The following TMEM108 variants were observed in gnomAD, a reference collection of about 807,000 sequenced individuals.
TMEM108 encodes the protein cancer/testis antigen 124.
A neutral mutation model predicts 35.1 loss-of-function variants in TMEM108; 12 were observed. The observed-to-expected ratio is 0.34, with a 90% CI of 0.22 to 0.55. TMEM108 has a LOEUF of 0.55. Among genes scored for constraint, TMEM108 ranks in the 20% least tolerant of loss-of-function variants. The probability of loss-of-function intolerance (pLI) is 0.89; values close to 1 mark genes in which losing one functional copy is unlikely to be tolerated. For missense variants in TMEM108, 680 were observed against 753.3 expected (o/e 0.90, Z 1.14); for synonymous variants, 287 against 308.6 (o/e 0.93, Z 0.73).
intron 2 of TMEM108, among the ~76,000 whole-genome samples, chr3:133,143,864 T>C (rs914621256): frequency 6.6e-6 from 1 of 152,176 alleles, no homozygotes; most frequent in African/African-American, 2.4e-5. Flanking sequence ...CTGCATTGCT[T>C]CCTCTCTTCT....
chr3:133,270,613 G>A (rs1240229506), intron 3 of TMEM108, among the ~76,000 whole-genome samples: 1 of 152,144 alleles, frequency 6.6e-6, no homozygotes, highest in African/African-American at 2.4e-5. Flanking sequence ...CTAATCCATA[G>A]AAGGGATTTT....
chr3:133,280,098 G>A (rs1209509689), intron 3 of TMEM108, among the ~76,000 whole-genome samples: 1 of 152,156 alleles, frequency 6.6e-6, no homozygotes, highest in Non-Finnish European at 1.5e-5. Context: ...CCCAGTCAGA[G>A]GAGTCAGGTG....
intron 2 of TMEM108, among the ~76,000 whole-genome samples, chr3:133,128,797 C>T (rs980193797): frequency 1.3e-5 from 2 of 152,170 alleles, no homozygotes; most frequent in South Asian, 2.1e-4. Flanking sequence ...TCTGGTTCTC[C>T]GTCATGCTCT....
At chr3:133,153,600 T>C (rs1009467626) in intron 2 of TMEM108, among the ~76,000 whole-genome samples, 1 of 152,186 alleles carries the variant, frequency 6.6e-6, no homozygotes, top group Non-Finnish European at 1.5e-5. Flanking sequence ...TTATTCAGAC[T>C]CTGGTGCTAA....
chr3:133,317,642 G>T (rs140634177), intron 3 of TMEM108, among the ~76,000 whole-genome samples: 7 of 152,282 alleles, frequency 4.6e-5, no homozygotes, highest in South Asian at 2.1e-4. Flanking sequence ...ATCTTGGCTA[G>T]AGATGTTATA....
intron 3 of TMEM108, among the ~76,000 whole-genome samples, chr3:133,344,807 A>G (rs911176068): frequency 4.6e-5 from 7 of 151,820 alleles, no homozygotes; most frequent in African/African-American, 1.7e-4. Context: ...TTTGTACTAT[A>G]CTTTGTATTA....
intron 2 of TMEM108, among the ~76,000 whole-genome samples, chr3:133,159,661 ATTG>A (rs945593520): frequency 6.6e-6 from 1 of 152,124 alleles, no homozygotes. Flanking sequence ...GTGAGCGGAT[ATTG>A]TTGTTATCTG....
At chr3:133,254,854 G>T (rs992444816) in intron 3 of TMEM108, among the ~76,000 whole-genome samples, 1 of 152,160 alleles carries the variant, frequency 6.6e-6, no homozygotes, top group African/African-American at 2.4e-5. Flanking sequence ...CAGCTAGATG[G>T]CCTGAAGGCT....
intron 2 of TMEM108, among the ~76,000 whole-genome samples, chr3:133,099,897 A>G (rs932806660): frequency 5.9e-5 from 9 of 152,208 alleles, no homozygotes; most frequent in African/African-American, 2.2e-4. Flanking sequence ...GAGCCCTCCA[A>G]AGTGTTCCAG....
At chr3:133,065,237 T>C (rs1032349854) in intron 2 of TMEM108, among the ~76,000 whole-genome samples, 5 of 152,106 alleles carry the variant, frequency 3.3e-5, no homozygotes, top group African/African-American at 1.2e-4. Flanking sequence ...ACTCCAAAAG[T>C]GTGGTTGTGT....
intron 3 of TMEM108, among the ~76,000 whole-genome samples, chr3:133,353,342 G>C (rs2072064293): frequency 6.6e-6 from 1 of 152,184 alleles, no homozygotes; most frequent in Non-Finnish European, 1.5e-5. Flanking sequence ...TAAGCATCAG[G>C]AGAGCCTTCT....
chr3:133,083,442 T>C (rs540149992), intron 2 of TMEM108, among the ~76,000 whole-genome samples: 2 of 152,286 alleles, frequency 1.3e-5, no homozygotes, highest in South Asian at 4.1e-4. Context: ...TTTTCTCCTT[T>C]TTAGATGTTT....
At chr3:133,119,476 CATTA>C (rs1262493311) in intron 2 of TMEM108, 1 of 152,176 alleles carries the variant, frequency 6.6e-6, no homozygotes, top group East Asian at 1.9e-4. Flanking sequence ...ATTTGTACCT[CATTA>C]ATTGAGAGTT....
intron 2 of TMEM108, among the ~76,000 whole-genome samples, chr3:133,083,668 ATAGT>A (rs1245287774): frequency 6.6e-6 from 1 of 152,156 alleles, no homozygotes; most frequent in Non-Finnish European, 1.5e-5. Context: ...TTATTTTTAG[ATAGT>A]TCTAACCCTG....
chr3:133,041,318 C>G (rs1943273243), intron 1 of TMEM108, among the ~76,000 whole-genome samples: 2 of 152,130 alleles, frequency 1.3e-5, no homozygotes, highest in Non-Finnish European at 2.9e-5. Context: ...AAAAGAAGGG[C>G]TCACAGAGAC....
At chr3:133,059,108 T>C (rs149305061) in intron 2 of TMEM108, among the ~76,000 whole-genome samples, 1 of 152,340 alleles carries the variant, frequency 6.6e-6, no homozygotes, top group East Asian at 1.9e-4. Context: ...GGACTGGCTT[T>C]CTGGCTTTGG....
intron 2 of TMEM108, among the ~76,000 whole-genome samples, chr3:133,150,980 GA>G (rs1162969436): frequency 6.6e-6 from 1 of 152,138 alleles, no homozygotes; most frequent in Non-Finnish European, 1.5e-5. Context: ...GTAAGTATAT[GA>G]GTAATGAGTT....
chr3:133,049,484 A>G lies in TMEM108; in HGVS notation c.-47+3464A>G, dbSNP rs79599869. Among the ~76,000 whole-genome samples the G allele has an allele frequency of 1.8e-3, 272 of 152,256 alleles. 1 individual carries two copies. Among genetic ancestry groups the G allele is most frequent in the African/African-American group, 6.0e-3 (248 of 41,552 alleles). On this transcript the variant is annotated intron_variant, in intron 2 of 5. Transcript: ENST00000321871. ...TTGTCAGAAACTTACATTTAGAATGATAGTATGCTCTTGTTATAACAAGAC... is the reference window on the plus strand; with the variant it reads ...TTGTCAGAAACTTACATTTAGAATGGTAGTATGCTCTTGTTATAACAAGAC...
intron 3 of TMEM108, among the ~76,000 whole-genome samples, chr3:133,331,902 T>A (rs965304729): frequency 6.6e-6 from 1 of 152,230 alleles, no homozygotes; most frequent in Non-Finnish European, 1.5e-5. Flanking sequence ...AGGGTTTGGA[T>A]CGTGATCTGG....
Sources: allele counts gnomAD v4.1 joint callset (sites outside exome capture counted in the v4.1 genomes callset), GRCh38; gene constraint gnomAD v4.1.1; transcripts MANE v1.5; gene names NCBI Gene and HGNC (gene_info 2026-07-23, HGNC 2026-07-21).